Variants in PCDH15 observed in about 807,000 individuals in gnomAD.
The protein encoded by PCDH15 is protocadherin-15.
Under a neutral mutation model 178.5 loss-of-function variants are expected in PCDH15, and 129 were observed. The observed-to-expected ratio is 0.72, with a 90% CI of 0.63 to 0.84. The LOEUF is 0.84. Among genes scored for constraint, PCDH15 ranks in the 40% least tolerant of loss-of-function variants. The pLI is 0.00. For synonymous variants in PCDH15, 800 were observed against 732.0 expected (o/e 1.09, Z -1.50); for missense variants, 2,230 against 2,099.9 (o/e 1.06, Z -1.21).
At chr10:55,488,649 T>C (rs1017944964) in intron 2 of PCDH15, among the ~76,000 whole-genome samples, 1 of 151,542 alleles carries the variant, frequency 6.6e-6, no homozygotes, top group African/African-American at 2.4e-5. Flanking sequence ...CAGAGCCAAT[T>C]AGGATAAAAG....
intron 7 of PCDH15, among the ~76,000 whole-genome samples, chr10:54,318,457 T>C (rs911531994): frequency 6.6e-6 from 1 of 152,160 alleles, no homozygotes; most frequent in Non-Finnish European, 1.5e-5. Flanking sequence ...AATACAGTCT[T>C]CCTTATCATT....
intron 8 of PCDH15, among the ~76,000 whole-genome samples, chr10:54,281,823 A>G (rs1473561015): frequency 1.3e-5 from 2 of 152,152 alleles, no homozygotes; most frequent in Middle Eastern, 3.4e-3. Flanking sequence ...CCAGCCCAAC[A>G]TAACTATTAT....
chr10:53,925,899 G>A (rs542948811), intron 25 of PCDH15, among the ~76,000 whole-genome samples: 3 of 152,178 alleles, frequency 2.0e-5, no homozygotes, highest in South Asian at 2.1e-4. Context: ...GACTAGCGAC[G>A]CTTGGCATAA....
At chr10:53,898,799 C>T (rs1006093554) in intron 26 of PCDH15, among the ~76,000 whole-genome samples, 1 of 152,160 alleles carries the variant, frequency 6.6e-6, no homozygotes, top group Non-Finnish European at 1.5e-5. Context: ...TCTGACCAGC[C>T]ATTTTTCACC....
chr10:54,655,715 A>C (rs2094391606), intron 2 of PCDH15: 1 of 152,130 alleles, frequency 6.6e-6, no homozygotes, highest in Admixed American at 6.6e-5. Context: ...AAAGCAGGAA[A>C]AGATATATGC....
rs1032409776 is a variant in PCDH15 at position 53,959,897 on chromosome 10, C to T, written c.3010-53G>A. ...AAGATTATAAGTAAGAACAGCGTAA[C>T]AGCACAATTTTTATATGTATGTTTT... On this transcript the variant is annotated intron_variant, in intron 22 of 37. Coordinates refer to ENST00000644397, the MANE Select transcript of PCDH15 (RefSeq NM_001384140.1). 1.1e-5 allele frequency: 15 copies of T among 1,326,424 alleles called. No homozygotes were observed. In the African/African-American group the frequency reaches 1.9e-4, roughly 17 times the overall value. 82.2% of individuals were successfully genotyped at this position (1,326,424 alleles called of 1,614,324 possible). A position where few individuals can be genotyped will look rare whatever the true frequency, so the allele number is the denominator to read the frequency against.
chr10:55,585,797 G>A, intron 2 of PCDH15, among the ~76,000 whole-genome samples: 1 of 152,022 alleles, frequency 6.6e-6, no homozygotes, highest in Middle Eastern at 3.2e-3. Flanking sequence ...ATATGAGAGA[G>A]AGATAGACTG....
At chr10:53,826,454 C>T (rs369862480) in intron 32 of PCDH15, among the ~76,000 whole-genome samples, 6 of 152,078 alleles carry the variant, frequency 3.9e-5, no homozygotes, top group Admixed American at 1.3e-4. Flanking sequence ...GTAACTGATA[C>T]GGATGTCACA....
intron 3 of PCDH15, among the ~76,000 whole-genome samples, chr10:54,388,623 C>T (rs529150885): frequency 6.6e-6 from 1 of 152,310 alleles, no homozygotes; most frequent in African/African-American, 2.4e-5. Context: ...CTAGCTGCTT[C>T]TGAATGGTAG....
chr10:55,067,635 C>T (rs891370431), intron 2 of PCDH15, among the ~76,000 whole-genome samples: 42 of 68,742 alleles, frequency 6.1e-4, no homozygotes, highest in African/African-American at 3.1e-3. Context: ...TGTGATAGTT[C>T]TATTTTTTTT....
At chr10:54,379,604 G>T (rs1948927216) in intron 3 of PCDH15, among the ~76,000 whole-genome samples, 1 of 152,028 alleles carries the variant, frequency 6.6e-6, no homozygotes, top group Non-Finnish European at 1.5e-5. Context: ...AAGCTGAATT[G>T]TAGACAGTTT....
intron 2 of PCDH15, among the ~76,000 whole-genome samples, chr10:54,978,225 A>G (rs1839125286): frequency 1.3e-5 from 2 of 152,140 alleles, no homozygotes. Context: ...AAAGTTTAGC[A>G]CTAACCTCAA....
intron 14 of PCDH15, 57 bp from the exon 15 acceptor site, chr10:54,133,064 A>G (rs2042580730): frequency 1.2e-6 from 2 of 1,609,890 alleles, no homozygotes; most frequent in Non-Finnish European, 1.7e-6. Context: ...ATTTAATGTT[A>G]GACTGCATTG....
At chr10:55,547,897 C>G (rs66717912) in intron 2 of PCDH15, among the ~76,000 whole-genome samples, 44,631 of 103,244 alleles carry the variant, frequency 0.43, 10,090 homozygotes, top group East Asian at 0.55. Flanking sequence ...GTGTGTGTGT[C>G]TGTGTGTGTG....
chr10:54,390,585 G>A (rs774483850), intron 3 of PCDH15, among the ~76,000 whole-genome samples: 7 of 152,112 alleles, frequency 4.6e-5, no homozygotes, highest in Non-Finnish European at 1.0e-4. Flanking sequence ...GTGAGCCACC[G>A]TGCCCAGCCA....
intron 21 of PCDH15, among the ~76,000 whole-genome samples, chr10:53,993,599 A>T (rs1413720535): frequency 6.6e-6 from 1 of 152,206 alleles, no homozygotes; most frequent in Non-Finnish European, 1.5e-5. Context: ...CTATCTGAAT[A>T]ATAATTATTC....
chr10:53,848,262 G>A (rs2078112229), intron 28 of PCDH15, among the ~76,000 whole-genome samples: 1 of 151,462 alleles, frequency 6.6e-6, no homozygotes, highest in Non-Finnish European at 1.5e-5. Context: ...AAAAAAAAGA[G>A]GAGGAAGAGA....
chr10:53,909,909 C>T (rs1400079875), intron 25 of PCDH15, among the ~76,000 whole-genome samples: 1 of 152,212 alleles, frequency 6.6e-6, no homozygotes, highest in Non-Finnish European at 1.5e-5. Context: ...ACTGCTAGTG[C>T]AGCAGTCTGA....
intron 2 of PCDH15, among the ~76,000 whole-genome samples, chr10:55,395,896 C>T (rs1837916648): frequency 6.6e-6 from 1 of 151,944 alleles, no homozygotes; most frequent in Non-Finnish European, 1.5e-5. Flanking sequence ...CAATGCATCC[C>T]AGCATATAAA....
Sources: gnomAD v4.1 joint callset for allele counts (sites outside exome capture counted in the v4.1 genomes callset) on GRCh38, gnomAD v4.1.1 for gene constraint, MANE v1.5 for transcripts, NCBI Gene and HGNC (gene_info 2026-07-23, HGNC 2026-07-21) for gene names.